The following SURF4 variants were observed in gnomAD, a reference collection of about 807,000 sequenced individuals.
The protein encoded by SURF4 is surfeit locus protein 4.
A neutral mutation model predicts 30.0 loss-of-function variants in SURF4; 3 were observed. The observed-to-expected ratio is 0.10, with a 90% CI of 0.05 to 0.26. The LOEUF (loss-of-function observed/expected upper bound fraction) is 0.26, where lower values mean the gene tolerates loss of function less well. SURF4 is among the 10% of genes least tolerant of loss of function. The pLI, the probability that SURF4 is intolerant of heterozygous loss-of-function variation, is 1.00. For missense variants in SURF4, 217 were observed against 350.8 expected (o/e 0.62, Z 3.05); for synonymous variants, 143 against 139.9 (o/e 1.02, Z -0.16).
At chr9:133,373,771 T>C (rs2130213149) in intron 1 of SURF4, among the ~76,000 whole-genome samples, 2 of 148,558 alleles carry the variant, frequency 1.3e-5, no homozygotes, top group African/African-American at 5.0e-5. Flanking sequence ...TACAAAAAAA[T>C]TAGCTGGGCG....
In SURF4 at chr9:133,375,997, C is replaced by T. The variant is rs1433824287; in HGVS notation, c.-28G>A. ...CGACGGCGGGAGGCTCGGCTCGGCT[C>T]GCTCGCTCGCTCGCTGGCTCTCGCC... is the stretch of plus-strand genomic sequence containing the variant. On this transcript the variant is annotated 5_prime_UTR_variant, in exon 1 of 6. Coordinates refer to ENST00000371989, the MANE Select transcript of SURF4 (RefSeq NM_033161.4). The T allele has an allele frequency of 8.3e-7, 1 of 1,206,430 alleles. No individual in the cohort carries two copies. 74.7% of individuals were successfully genotyped at this position (1,206,430 alleles called of 1,614,324 possible). A position where few individuals can be genotyped will look rare whatever the true frequency, so the allele number is the denominator to read the frequency against.
At chr9:133,364,709 G>C in intron 5 of SURF4, 131 bp downstream of exon 5, 1 of 659,344 alleles carries the variant, frequency 1.5e-6, no homozygotes, top group Non-Finnish European at 2.4e-6. Flanking sequence ...AAAAAAAAAA[G>C]TTTGCTCCAT....
chr9:133,366,115 C>T, intron 3 of SURF4, 87 bp from the exon 4 acceptor site: 2 of 1,343,602 alleles, frequency 1.5e-6, no homozygotes, highest in South Asian at 2.4e-5. Context: ...GCCGTCTCTC[C>T]AATGTCAGCT....
At chr9:133,365,710 T>C (rs143083946) in intron 4 of SURF4, among the ~76,000 whole-genome samples, 7 of 152,218 alleles carry the variant, frequency 4.6e-5, no homozygotes, top group East Asian at 1.9e-4. Flanking sequence ...CTCAAACCAA[T>C]AGTTAACTGA....
At chr9:133,376,291 C>A, upstream of SURF4, 7 of 1,337,074 alleles carry the variant, frequency 5.2e-6, no homozygotes, top group Non-Finnish European at 6.7e-6. Context: ...CGGTCCCTCC[C>A]GGCCCGGCGG....
intron 1 of SURF4, among the ~76,000 whole-genome samples, chr9:133,370,544 T>A (rs922884862): frequency 6.6e-6 from 1 of 152,178 alleles, no homozygotes; most frequent in Non-Finnish European, 1.5e-5. Context: ...CCTTATTTCC[T>A]ACATGCATGT....
chr9:133,364,776 G>A, intron 5 of SURF4, 64 bp downstream of exon 5: 3 of 1,546,930 alleles, frequency 1.9e-6, no homozygotes, highest in South Asian at 1.1e-5. Context: ...TGAGCAGGGA[G>A]GGGGTGGGGG....
At chr9:133,374,922 T>C (rs1837780695) in intron 1 of SURF4, among the ~76,000 whole-genome samples, 2 of 152,124 alleles carry the variant, frequency 1.3e-5, no homozygotes, top group Non-Finnish European at 2.9e-5. Context: ...CTTAAAACTC[T>C]AGCAAAGCCA....
Position 133,361,947 on chromosome 9 carries a change from G to C in SURF4, c.*1546C>G, listed in dbSNP as rs1277006955. On this transcript the variant is annotated 3_prime_UTR_variant, in exon 6 of 6. Transcript: ENST00000371989. ...GCCAGTCTTCATGCAGTGAGCACTT[G>C]AATGATCACAGGAGAAGAGAACCCA... The C allele has an allele frequency of 2.0e-5, 3 of 152,326 alleles. No homozygotes were observed. Among genetic ancestry groups the C allele is most frequent in the Non-Finnish European group, 2.9e-5 (2 of 68,064 alleles). The allele number at this position is 152,326 out of a possible 1,614,324, so 9.4% of individuals were successfully genotyped here. A position where few individuals can be genotyped will look rare whatever the true frequency, so the allele number is the denominator to read the frequency against.
chr9:133,366,772 A>C lies in SURF4; in HGVS notation c.236-97T>G, dbSNP rs1317079699. On this transcript the variant is annotated intron_variant, in intron 2 of 5. Transcript: ENST00000371989. ...TACCTCACCTGGCCCTTAGGTCCAG[A>C]GGCAGCCAAACCACCTACCCAAGCA... 7 of 1,126,050 alleles carry C rather than the reference A, an allele frequency of 6.2e-6. No individual in the cohort carries two copies. In the Admixed American group the frequency reaches 1.2e-4, roughly 19 times the overall value. The allele number at this position is 1,126,050 out of a possible 1,614,324, so 69.8% of individuals were successfully genotyped here. A position where few individuals can be genotyped will look rare whatever the true frequency, so the allele number is the denominator to read the frequency against.
At position 133,363,141 on chromosome 9, in the gene SURF4, G is replaced by C. The variant is rs587651608; in HGVS notation, c.*352C>G. The stretch of plus-strand genomic sequence containing the variant: ...TTTGAATGATAATACCAATGCGTCT[G>C]CTCACAGTACAGCTTGAAGGCCCCC... On this transcript the variant is annotated 3_prime_UTR_variant, in exon 6 of 6. Coordinates refer to ENST00000371989, the MANE Select transcript of SURF4 (RefSeq NM_033161.4). The surrounding 1 kb of genome is among the most constrained non-coding windows in gnomAD (Gnocchi z 4.3). The C allele has an allele frequency of 5.6e-6, 3 of 533,188 alleles. No individual in the cohort carries two copies. The highest frequency in any genetic ancestry group is 1.0e-5 in the Non-Finnish European group (3 of 296,870). The allele number at this position is 533,188 out of a possible 1,614,324, so 33.0% of individuals were successfully genotyped here. A position where few individuals can be genotyped will look rare whatever the true frequency, so the allele number is the denominator to read the frequency against.
intron 1 of SURF4, among the ~76,000 whole-genome samples, chr9:133,373,707 C>T (rs2130211740): frequency 7.3e-5 from 11 of 151,232 alleles, no homozygotes; most frequent in African/African-American, 2.4e-4. Context: ...CACCTGAGGT[C>T]GGGAGTTCGA....
intron 1 of SURF4, among the ~76,000 whole-genome samples, chr9:133,370,394 G>A (rs1837435142): frequency 6.6e-6 from 1 of 152,184 alleles, no homozygotes; most frequent in African/African-American, 2.4e-5. Context: ...GGCTGTCCTG[G>A]TTTTCAAAGG....
upstream of SURF4, chr9:133,376,491 C>T (rs151083959): frequency 9.2e-5 from 146 of 1,595,066 alleles, no homozygotes; most frequent in African/African-American, 1.8e-3. Context: ...GGCCAGGGTC[C>T]AATCGCAGGC....
intron 2 of SURF4, 84 bp from the exon 3 acceptor site, chr9:133,366,759 C>A: frequency 7.6e-7 from 1 of 1,314,766 alleles, no homozygotes; most frequent in Non-Finnish European, 1.1e-6. Context: ...CCTCACCTGG[C>A]CCTTAGGTCC....
chr9:133,367,241 AC>A lies in SURF4; in HGVS notation c.235+17del. The A allele has an allele frequency of 6.2e-7, 1 of 1,611,598 alleles. No homozygotes were observed. Among genetic ancestry groups the A allele is most frequent in the Non-Finnish European group, 8.5e-7 (1 of 1,178,110 alleles). ...ACAAGACGCCCAGTGAATCCTGACCACCCGCAGAGCCACTCACTCAGCTGTC... is the reference window on the plus strand; with the variant it reads ...ACAAGACGCCCAGTGAATCCTGACCACCGCAGAGCCACTCACTCAGCTGTC... On this transcript the variant is annotated intron_variant, in intron 2 of 5. Coordinates refer to ENST00000371989, the MANE Select transcript of SURF4 (RefSeq NM_033161.4).
chr9:133,377,557 G>A (rs2130254763), upstream of SURF4, among the ~76,000 whole-genome samples: 6 of 152,180 alleles, frequency 3.9e-5, no homozygotes, highest in African/African-American at 1.4e-4. Flanking sequence ...CAGCTACTCG[G>A]GAGGCTGAGG....
intron 3 of SURF4, 92 bp downstream of exon 3, chr9:133,366,507 G>T: frequency 7.2e-7 from 1 of 1,380,698 alleles, no homozygotes; most frequent in Non-Finnish European, 1.0e-6. Context: ...GGGCTGAAGG[G>T]GGAGTGACAC....
intron 1 of SURF4, among the ~76,000 whole-genome samples, chr9:133,374,230 G>A (rs1837709613): frequency 6.6e-6 from 1 of 152,138 alleles, no homozygotes; most frequent in African/African-American, 2.4e-5. Flanking sequence ...TGGTTCTTGA[G>A]AGCTTTTGAT....
Sources: gnomAD v4.1 joint callset for allele counts (sites outside exome capture counted in the v4.1 genomes callset) on GRCh38, gnomAD v4.1.1 for gene constraint, Gnocchi (gnomAD v3.1) non-coding constraint, MANE v1.5 for transcripts, NCBI Gene and HGNC (gene_info 2026-07-23, HGNC 2026-07-21) for gene names.